The following ASIP variants were observed in gnomAD, a reference collection of about 807,000 sequenced individuals.
ASIP encodes the protein agouti-signaling protein.
A neutral mutation model predicts 10.3 loss-of-function variants in ASIP; 11 were observed. That is an observed-to-expected ratio of 1.07 (90% confidence interval 0.68 to 1.78). The LOEUF (loss-of-function observed/expected upper bound fraction) is 1.78. ASIP is among the 40% of genes most tolerant of loss of function. ASIP has a pLI of 0.00. For synonymous variants in ASIP, 70 were observed against 70.8 expected (o/e 0.99, Z 0.06); for missense variants, 180 against 169.2 (o/e 1.06, Z -0.35).
chr20:34,196,150 ACT>A (rs1246291984), intron 1 of ASIP, among the ~76,000 whole-genome samples: 1 of 150,346 alleles, frequency 6.7e-6, no homozygotes, highest in Non-Finnish European at 1.5e-5. Context: ...CAGAGCCAGA[ACT>A]CTCATTGAAA....
At chr20:34,263,460 G>T (rs183921434) in intron 3 of ASIP, among the ~76,000 whole-genome samples, 1 of 152,162 alleles carries the variant, frequency 6.6e-6, no homozygotes, top group African/African-American at 2.4e-5. Context: ...AGCTACTTGG[G>T]AGGCTGAGGC....
intron 1 of ASIP, among the ~76,000 whole-genome samples, chr20:34,225,391 C>G (rs1274556445): frequency 2.0e-5 from 3 of 149,660 alleles, no homozygotes; most frequent in African/African-American, 7.4e-5. Context: ...TACTTTTAGA[C>G]TTTATTTTGT....
At chr20:34,216,419 A>C (rs1403876030) in intron 1 of ASIP, among the ~76,000 whole-genome samples, 4 of 152,230 alleles carry the variant, frequency 2.6e-5, no homozygotes, top group Non-Finnish European at 5.9e-5. Flanking sequence ...ATGGCGTCTT[A>C]TGATAAGCAA....
chr20:34,246,519 T>C, intron 1 of ASIP: 1 of 1,202,682 alleles, frequency 8.3e-7, no homozygotes, highest in Non-Finnish European at 1.2e-6. Context: ...TCAGCCCCAC[T>C]GGATTCAGAA....
At chr20:34,235,874 G>GAAGGAAGGAAGGAAGGA (rs2035188960) in intron 1 of ASIP, among the ~76,000 whole-genome samples, 1 of 73,466 alleles carries the variant, frequency 1.4e-5, no homozygotes, top group East Asian at 6.2e-4. Context: ...GGAAAGGAAG[G>GAAGGAAGGAAGGAAGGA]AAGGAAGGAA....
chr20:34,201,236 A>G (rs577711894), intron 1 of ASIP, among the ~76,000 whole-genome samples: 14 of 152,126 alleles, frequency 9.2e-5, no homozygotes, highest in Non-Finnish European at 1.9e-4. Context: ...GACAGAGCCC[A>G]TGCAGGGCTT....
intron 1 of ASIP, among the ~76,000 whole-genome samples, chr20:34,223,706 G>A (rs1194908327): frequency 1.4e-5 from 2 of 142,430 alleles, no homozygotes; most frequent in Non-Finnish European, 3.1e-5. Flanking sequence ...CCACCACCCC[G>A]TCTGGGAGGT....
intron 1 of ASIP, among the ~76,000 whole-genome samples, chr20:34,223,665 C>T (rs1235042132): frequency 6.8e-6 from 1 of 147,486 alleles, no homozygotes; most frequent in Non-Finnish European, 1.5e-5. Context: ...CCGGCCGCCC[C>T]TACTGGGAAG....
At chr20:34,188,085 C>T in the ASIP span, among the ~76,000 whole-genome samples, 1 of 152,208 alleles carries the variant, frequency 6.6e-6, no homozygotes, top group Non-Finnish European at 1.5e-5. Context: ...TTCAGATCGA[C>T]TTGTTCTGCT....
At chr20:34,224,467 G>C (rs1174200369) in intron 1 of ASIP, among the ~76,000 whole-genome samples, 1 of 151,558 alleles carries the variant, frequency 6.6e-6, no homozygotes, top group Non-Finnish European at 1.5e-5. Flanking sequence ...CTGTTGAGTG[G>C]CTCTAAGGCT....
intron 1 of ASIP, among the ~76,000 whole-genome samples, chr20:34,252,655 G>A (rs571673162): frequency 1.3e-5 from 2 of 152,082 alleles, no homozygotes; most frequent in East Asian, 1.9e-4. Flanking sequence ...CTGCAAAGAG[G>A]CCTCCCTCTT....
intron 1 of ASIP, among the ~76,000 whole-genome samples, chr20:34,202,874 T>G (rs2034909574): frequency 6.8e-6 from 1 of 147,484 alleles, no homozygotes; most frequent in African/African-American, 2.6e-5. Flanking sequence ...AGCGGCATGA[T>G]CTCGGCTCAC....
chr20:34,194,992 CA>C (rs1201679170), intron 1 of ASIP, among the ~76,000 whole-genome samples: 2 of 152,100 alleles, frequency 1.3e-5, no homozygotes, highest in African/African-American at 2.4e-5. Context: ...TTGCCTGGTA[CA>C]TTCTGCTAAT....
chr20:34,211,566 A>G (rs2034974559), intron 1 of ASIP, among the ~76,000 whole-genome samples: 1 of 152,092 alleles, frequency 6.6e-6, no homozygotes, highest in Admixed American at 6.6e-5. Flanking sequence ...ACCATTTAGA[A>G]TGTCTTTTAA....
At chr20:34,198,095 C>T (rs1374795351) in intron 1 of ASIP, among the ~76,000 whole-genome samples, 4 of 148,516 alleles carry the variant, frequency 2.7e-5, no homozygotes, top group African/African-American at 5.0e-5. Flanking sequence ...TCTCACTCTG[C>T]CACTCAGGCT....
At chr20:34,262,732 T>C in intron 2 of ASIP, 100 bp from the exon 3 acceptor site, 2 of 1,340,596 alleles carry the variant, frequency 1.5e-6, no homozygotes, top group Non-Finnish European at 2.1e-6. Context: ...CTCCTCTCCC[T>C]GACCTTGTGA....
chr20:34,252,639 T>C (rs902788497), intron 1 of ASIP, among the ~76,000 whole-genome samples: 8 of 152,126 alleles, frequency 5.3e-5, no homozygotes, highest in Non-Finnish European at 1.0e-4. Flanking sequence ...CTTCCTCTTA[T>C]CTCAACTGCA....
chr20:34,197,110 C>T (rs2034863101), intron 1 of ASIP, among the ~76,000 whole-genome samples: 1 of 151,830 alleles, frequency 6.6e-6, no homozygotes, highest in South Asian at 2.1e-4. Context: ...TGCAGTGGCT[C>T]ACACCTATAA....
chr20:34,223,486 G>A (rs1325111248), intron 1 of ASIP, among the ~76,000 whole-genome samples: 3 of 151,920 alleles, frequency 2.0e-5, no homozygotes, highest in South Asian at 2.1e-4. Context: ...CACCCCGTCC[G>A]GGAGGGAGGT....
Sources: allele counts gnomAD v4.1 joint callset (sites outside exome capture counted in the v4.1 genomes callset), GRCh38; gene constraint gnomAD v4.1.1; transcripts MANE v1.5; gene names NCBI Gene and HGNC (gene_info 2026-07-23, HGNC 2026-07-21).